Variants in FRMD3 observed in about 807,000 individuals in gnomAD.
The protein encoded by FRMD3 is FERM domain containing 3, also known as FERM domain-containing protein 3.
Under a neutral mutation model 70.2 loss-of-function variants are expected in FRMD3, and 33 were observed. That is an observed-to-expected ratio of 0.47 (90% confidence interval 0.36 to 0.63). FRMD3 has a LOEUF of 0.63. Ranked by LOEUF, FRMD3 falls within the 20% of genes least tolerant of loss-of-function variation. FRMD3 has a pLI of 0.00. For missense variants in FRMD3, 632 were observed against 711.4 expected (o/e 0.89, Z 1.27); for synonymous variants, 279 against 255.9 (o/e 1.09, Z -0.86).
At chr9:83,404,066 A>ACG (rs910791974) in intron 1 of FRMD3, among the ~76,000 whole-genome samples, 1 of 109,276 alleles carries the variant, frequency 9.2e-6, no homozygotes, top group Non-Finnish European at 1.8e-5. Flanking sequence ...CTGCATACAC[A>ACG]CGCACACACA....
intron 1 of FRMD3, among the ~76,000 whole-genome samples, chr9:83,485,181 C>T (rs1157283950): frequency 1.3e-5 from 2 of 152,218 alleles, no homozygotes; most frequent in Non-Finnish European, 2.9e-5. Context: ...CTGAGTTACG[C>T]TCATTTCATT....
chr9:83,392,927 A>C (rs1275491983), intron 1 of FRMD3, among the ~76,000 whole-genome samples: 1 of 152,254 alleles, frequency 6.6e-6, no homozygotes, highest in Non-Finnish European at 1.5e-5. Flanking sequence ...AGAAAAAAAA[A>C]TCAAGCAGCT....
rs377066775 is a variant in FRMD3, at chr9:83,531,292, G to C, written c.147+6793C>G. 9.9e-5 allele frequency among the ~76,000 whole-genome samples: 15 copies of C among 152,250 alleles called. No individual in the cohort carries two copies. The South Asian group carries it at 2.7e-3, about 27-fold the overall frequency. ...TTAAAGCCAGTTTGAATTAGAATTT[G>C]TTGCATGTAGTTAAAAGAATTCTAG... On this transcript the variant is annotated intron_variant, in intron 1 of 13. Transcript: ENST00000304195.
At chr9:83,530,525 G>T (rs944180245) in intron 1 of FRMD3, among the ~76,000 whole-genome samples, 1 of 152,046 alleles carries the variant, frequency 6.6e-6, no homozygotes, top group African/African-American at 2.4e-5. Flanking sequence ...AAGGGCAAAG[G>T]TTCATTTTGG....
Position 83,459,249 on chromosome 9 carries a change from G to A in FRMD3, c.148-69541C>T, listed in dbSNP as rs1827903236. ...TCCACTGACACTCCCTAGAACTCTG[G>A]CCATTTGACCTGGCCTTAACGTCCC... On this transcript the variant is annotated intron_variant, in intron 1 of 13. Coordinates refer to ENST00000304195, the MANE Select transcript of FRMD3 (RefSeq NM_174938.6). Among the ~76,000 whole-genome samples, 5 of 151,926 alleles carry A rather than the reference G, an allele frequency of 3.3e-5. No individual in the cohort carries two copies. In the South Asian group the frequency reaches 1.0e-3, roughly 32 times the overall value.
At chr9:83,431,075 C>T (rs1177474060) in intron 1 of FRMD3, among the ~76,000 whole-genome samples, 2 of 152,204 alleles carry the variant, frequency 1.3e-5, no homozygotes, top group Non-Finnish European at 2.9e-5. Context: ...GCAAAACATC[C>T]TTTTAGGTGA....
chr9:83,425,680 A>G (rs1826781564), intron 1 of FRMD3, among the ~76,000 whole-genome samples: 1 of 151,974 alleles, frequency 6.6e-6, no homozygotes, highest in Non-Finnish European at 1.5e-5. Flanking sequence ...CCGAGGCGGG[A>G]GGATCACTTG....
chr9:83,473,514 G>A (rs997037462), intron 1 of FRMD3, among the ~76,000 whole-genome samples: 12 of 152,072 alleles, frequency 7.9e-5, no homozygotes, highest in Non-Finnish European at 1.5e-4. Flanking sequence ...TCCAAGTTTC[G>A]TAGAAACAGA....
At chr9:83,401,842 T>A (rs1246389782) in intron 1 of FRMD3, among the ~76,000 whole-genome samples, 1 of 152,122 alleles carries the variant, frequency 6.6e-6, no homozygotes, top group Non-Finnish European at 1.5e-5. Context: ...AATTTCATCA[T>A]GTGCCTAAAA....
intron 1 of FRMD3, among the ~76,000 whole-genome samples, chr9:83,497,295 G>A (rs551248680): frequency 6.6e-6 from 1 of 152,040 alleles, no homozygotes; most frequent in East Asian, 1.9e-4. Context: ...GAGCACCTGT[G>A]CCCAAAAGAT....
chr9:83,498,846 T>C (rs922069525), intron 1 of FRMD3, among the ~76,000 whole-genome samples: 1 of 152,176 alleles, frequency 6.6e-6, no homozygotes, highest in Non-Finnish European at 1.5e-5. Flanking sequence ...ATATTATCAT[T>C]AATATTAATG....
At chr9:83,521,146 A>G (rs529490355) in intron 1 of FRMD3, among the ~76,000 whole-genome samples, 1 of 151,950 alleles carries the variant, frequency 6.6e-6, no homozygotes, top group Non-Finnish European at 1.5e-5. Flanking sequence ...TCTCAAAAAA[A>G]AAAGGAAAAG....
chr9:83,519,526 G>A (rs937462490), intron 1 of FRMD3, among the ~76,000 whole-genome samples: 5 of 152,142 alleles, frequency 3.3e-5, no homozygotes, highest in South Asian at 4.1e-4. Context: ...AAATAGGAAC[G>A]CTTTTGCACT....
intron 1 of FRMD3, among the ~76,000 whole-genome samples, chr9:83,500,498 G>GCACA (rs1491199985): frequency 2.7e-4 from 17 of 62,934 alleles, no homozygotes; most frequent in African/African-American, 3.1e-4. Flanking sequence ...TGGCGTGTAT[G>GCACA]CGCGCACACA....
intron 13 of FRMD3, among the ~76,000 whole-genome samples, chr9:83,272,874 G>A (rs533250515): frequency 7.4e-6 from 1 of 134,268 alleles, no homozygotes; most frequent in Non-Finnish European, 1.6e-5. Flanking sequence ...CGGCCACCCC[G>A]TCCGAGAAGT....
intron 1 of FRMD3, among the ~76,000 whole-genome samples, chr9:83,461,344 A>G (rs952479656): frequency 6.6e-6 from 1 of 152,224 alleles, no homozygotes; most frequent in African/African-American, 2.4e-5. Context: ...AGCTTCCAGA[A>G]GGAACACAGC....
At chr9:83,263,912 G>C (rs1011279942) in intron 13 of FRMD3, among the ~76,000 whole-genome samples, 1 of 152,126 alleles carries the variant, frequency 6.6e-6, no homozygotes, top group African/African-American at 2.4e-5. Flanking sequence ...TAACAAAGTA[G>C]CATAAAAGAA....
intron 1 of FRMD3, among the ~76,000 whole-genome samples, chr9:83,406,398 C>A (rs1272925752): frequency 6.6e-6 from 1 of 152,200 alleles, no homozygotes; most frequent in Non-Finnish European, 1.5e-5. Flanking sequence ...AGTTGGGTAG[C>A]CTTACTCCGG....
At chr9:83,554,662 T>C in the FRMD3 span, among the ~76,000 whole-genome samples, 2 of 152,168 alleles carry the variant, frequency 1.3e-5, no homozygotes, top group Non-Finnish European at 2.9e-5. Flanking sequence ...GCTCCTTTGT[T>C]AGTCTGAGGG....
Sources: gnomAD v4.1 joint callset for allele counts (sites outside exome capture counted in the v4.1 genomes callset) on GRCh38, gnomAD v4.1.1 for gene constraint, MANE v1.5 for transcripts, NCBI Gene and HGNC (gene_info 2026-07-23, HGNC 2026-07-21) for gene names.